TRPS1: variants seen among roughly 807,000 people sequenced by gnomAD.
TRPS1 encodes the protein transcriptional repressor GATA binding 1, also known as zinc finger transcription factor Trps1.
A neutral mutation model predicts 101.2 loss-of-function variants in TRPS1; 6 were observed. The ratio of observed to expected loss-of-function variants is 0.06; its 90% CI spans 0.03 to 0.12. The LOEUF (loss-of-function observed/expected upper bound fraction) is 0.12, where lower values mean the gene tolerates loss of function less well. TRPS1 is among the 10% of genes least tolerant of loss of function. The probability of loss-of-function intolerance (pLI) is 1.00; values close to 1 mark genes in which losing one functional copy is unlikely to be tolerated. For synonymous variants in TRPS1, 578 were observed against 589.8 expected (o/e 0.98, Z 0.29); for missense variants, 1,363 against 1,567.0 (o/e 0.87, Z 2.20).
rs1269804952 is a variant in TRPS1, at chr8:115,411,258, G to A, written c.*2765C>T. 2 of 151,914 alleles carry A rather than the reference G, an allele frequency of 1.3e-5. No homozygotes were observed. Among genetic ancestry groups the A allele is most frequent in the Non-Finnish European group, 2.9e-5 (2 of 67,830 alleles). The allele number at this position is 151,914 out of a possible 1,614,324, so 9.4% of individuals were successfully genotyped here. ...TAGTGATATGTATTTTCCAATGCTA[G>A]TCGTTACTACTATGTCTGTCTGAGA... On this transcript the variant is annotated 3_prime_UTR_variant, in exon 7 of 7. Coordinates refer to ENST00000395715, the MANE Select transcript of TRPS1 (RefSeq NM_014112.5).
At position 115,653,262 on chromosome 8, in the gene TRPS1, T is replaced by TA. The variant is rs896665769; in HGVS notation, c.-122+15282dup. 2.5e-3 allele frequency among the ~76,000 whole-genome samples: 385 copies of TA among 152,280 alleles called. 3 individuals are homozygous for TA. Among genetic ancestry groups the TA allele is most frequent in the African/African-American group, 8.9e-3 (368 of 41,562 alleles). On this transcript the variant is annotated intron_variant, in intron 1 of 6. Transcript: ENST00000395715. ...GCACTGATAGGGTTTCCTATGGTTC[T>TA]ATAAGGTATACAATGAATGGTAAGT...
At chr8:115,510,515 C>A (rs971093839) in intron 5 of TRPS1, among the ~76,000 whole-genome samples, 2 of 151,874 alleles carry the variant, frequency 1.3e-5, no homozygotes, top group Non-Finnish European at 2.9e-5. Flanking sequence ...TCTGGGGCTT[C>A]GTCTGTTAGA....
chr8:115,494,365 C>G (rs1815099842), intron 5 of TRPS1, among the ~76,000 whole-genome samples: 1 of 152,148 alleles, frequency 6.6e-6, no homozygotes, highest in Admixed American at 6.5e-5. Flanking sequence ...ATTATACTAC[C>G]TGGCCACTAT....
chr8:115,660,604 G>A (rs1327080344), intron 1 of TRPS1, among the ~76,000 whole-genome samples: 1 of 150,922 alleles, frequency 6.6e-6, no homozygotes, highest in Non-Finnish European at 1.5e-5. Context: ...AGAGAACCAT[G>A]CTCCCCTCAA....
chr8:115,627,923 C>T (rs1234564794), intron 1 of TRPS1, among the ~76,000 whole-genome samples: 2 of 151,664 alleles, frequency 1.3e-5, no homozygotes, highest in African/African-American at 4.8e-5. Context: ...AATTAGAATG[C>T]TCGCTGTCTT....
At chr8:115,588,022 A>C (rs979476241) in intron 4 of TRPS1, among the ~76,000 whole-genome samples, 3 of 152,224 alleles carry the variant, frequency 2.0e-5, no homozygotes, top group Non-Finnish European at 4.4e-5. Context: ...ATATCATTTA[A>C]GTCACTATTC....
At chr8:115,539,745 C>T (rs917458498) in intron 5 of TRPS1, among the ~76,000 whole-genome samples, 1 of 152,156 alleles carries the variant, frequency 6.6e-6, no homozygotes, top group East Asian at 1.9e-4. Flanking sequence ...GTAGTCTCAG[C>T]TACTCGGGAG....
In TRPS1 at chr8:115,476,020, T is replaced by C. The variant is rs1309614328; in HGVS notation, c.2701-57568A>G. ...AATATACTTTCTTTTTTTTTTTTTT[T>C]TTTTTTTTTTTTTTTTGAGACGGAG... On this transcript the variant is annotated intron_variant, in intron 5 of 6. Coordinates refer to ENST00000395715, the MANE Select transcript of TRPS1 (RefSeq NM_014112.5). Among the ~76,000 whole-genome samples the C allele has an allele frequency of 2.6e-4, 4 of 15,224 alleles. 2 individuals carry two copies. The highest frequency in any genetic ancestry group is 3.5e-4 in the Non-Finnish European group (4 of 11,426). 10.0% of individuals were successfully genotyped at this position (15,224 alleles called of 152,430 possible).
At chr8:115,485,270 G>T (rs540108746) in intron 5 of TRPS1, among the ~76,000 whole-genome samples, 1 of 152,146 alleles carries the variant, frequency 6.6e-6, no homozygotes, top group African/African-American at 2.4e-5. Flanking sequence ...CAAGGAAAAT[G>T]GGGACCTCAG....
chr8:115,418,944 G>C lies in TRPS1; in HGVS notation c.2701-492C>G, dbSNP rs562780596. ...GTCATTCATGTAACGTAAGTATTAC[G>C]AGAATATAAGACACTCAATTCTGGT... On this transcript the variant is annotated intron_variant, in intron 5 of 6. Coordinates refer to ENST00000395715, the MANE Select transcript of TRPS1 (RefSeq NM_014112.5). This position sits in a 1 kb window ranked among gnomAD's most constrained non-coding sequence, Gnocchi z 4.3. Among the ~76,000 whole-genome samples the C allele has an allele frequency of 5.2e-4, 79 of 152,226 alleles. No homozygotes were observed. Among genetic ancestry groups the C allele is most frequent in the African/African-American group, 1.9e-3 (78 of 41,550 alleles).
intron 5 of TRPS1, among the ~76,000 whole-genome samples, chr8:115,419,639 A>T (rs1037167273): frequency 1.3e-5 from 2 of 152,202 alleles, no homozygotes. Context: ...TTATAATTGT[A>T]CTCTGATACA....
intron 5 of TRPS1, among the ~76,000 whole-genome samples, chr8:115,545,693 G>A (rs1816553647): frequency 6.6e-6 from 1 of 152,098 alleles, no homozygotes; most frequent in African/African-American, 2.4e-5. Flanking sequence ...TTTAGATAAA[G>A]ATCCAATTCA....
chr8:115,478,957 A>G (rs1814683709), intron 5 of TRPS1, among the ~76,000 whole-genome samples: 1 of 149,178 alleles, frequency 6.7e-6, no homozygotes, highest in Admixed American at 6.8e-5. Flanking sequence ...GTATACATGT[A>G]TATATGTGTA....
At chr8:115,525,786 A>G (rs1178067945) in intron 5 of TRPS1, among the ~76,000 whole-genome samples, 2 of 152,238 alleles carry the variant, frequency 1.3e-5, no homozygotes, top group Non-Finnish European at 2.9e-5. Context: ...AGCACATACT[A>G]TAGAAAATTT....
At chr8:115,470,575 T>C (rs539489167) in intron 5 of TRPS1, among the ~76,000 whole-genome samples, 5 of 152,342 alleles carry the variant, frequency 3.3e-5, no homozygotes, top group Admixed American at 2.6e-4. Flanking sequence ...TTTTGTTTCA[T>C]CTGGTCAATA....
intron 5 of TRPS1, among the ~76,000 whole-genome samples, chr8:115,462,628 T>C (rs908006380): frequency 3.7e-5 from 1 of 27,182 alleles, no homozygotes; most frequent in Non-Finnish European, 1.4e-4. Flanking sequence ...TTCTTTTCTC[T>C]CTCTCTCTCT....
At chr8:115,603,149 T>C (rs1278546499) in intron 4 of TRPS1, among the ~76,000 whole-genome samples, 1 of 152,188 alleles carries the variant, frequency 6.6e-6, no homozygotes, top group African/African-American at 2.4e-5. Context: ...TAAAGATACA[T>C]ATCCTATGCT....
At chr8:115,423,819 A>AT (rs990449253) in intron 5 of TRPS1, among the ~76,000 whole-genome samples, 7 of 151,478 alleles carry the variant, frequency 4.6e-5, no homozygotes, top group East Asian at 1.9e-4. Context: ...GACTTAAGAC[A>AT]TTTTTTTTTA....
intron 3 of TRPS1, among the ~76,000 whole-genome samples, chr8:115,611,775 T>C (rs1404493184): frequency 6.6e-6 from 1 of 152,186 alleles, no homozygotes; most frequent in Non-Finnish European, 1.5e-5. Context: ...ATCAAATCGT[T>C]AAATGGAATA....
Sources: allele counts gnomAD v4.1 joint callset (sites outside exome capture counted in the v4.1 genomes callset), GRCh38; gene constraint gnomAD v4.1.1; non-coding constraint Gnocchi (gnomAD v3.1); transcripts MANE v1.5; gene names NCBI Gene and HGNC (gene_info 2026-07-23, HGNC 2026-07-21).